The following MTOR variants were observed in gnomAD, a reference collection of about 807,000 sequenced individuals.
MTOR encodes the protein serine/threonine-protein kinase mTOR.
Under a neutral mutation model 319.8 loss-of-function variants are expected in MTOR, and 70 were observed. The observed-to-expected ratio is 0.22, with a 90% confidence interval of 0.18 to 0.27. The LOEUF (loss-of-function observed/expected upper bound fraction) is 0.27. Ranked by LOEUF, MTOR falls within the 10% of genes least tolerant of loss-of-function variation. MTOR has a pLI of 1.00. For synonymous variants in MTOR, 1,183 were observed against 1,211.4 expected, an observed-to-expected ratio of 0.98 and a Z score of 0.49; for missense variants, 1,890 against 3,274.4, an observed-to-expected ratio of 0.58 and a Z score of 10.32.
intron 30 of MTOR, among the ~76,000 whole-genome samples, chr1:11,155,820 C>T (rs1400910852): frequency 2.0e-5 from 3 of 152,124 alleles, no homozygotes; most frequent in South Asian, 2.1e-4. Flanking sequence ...GTCTTGCTCA[C>T]GGCTGTGTCC....
intron 24 of MTOR, among the ~76,000 whole-genome samples, chr1:11,210,476 T>C (rs1020134334): frequency 2.6e-5 from 4 of 152,216 alleles, no homozygotes; most frequent in African/African-American, 9.6e-5. Context: ...AGAAGGGTTT[T>C]TATACTTTTA....
chr1:11,258,398 A>C (rs1199271143), intron 3 of MTOR, 87 bp downstream of exon 3: 1 of 879,194 alleles, frequency 1.1e-6, no homozygotes, highest in Non-Finnish European at 1.8e-6. Context: ...AGCAAATATG[A>C]ACTAGTATCC....
intron 30 of MTOR, among the ~76,000 whole-genome samples, 177 bp from the exon 31 acceptor site, chr1:11,150,403 C>A (rs1246639854): frequency 6.6e-6 from 1 of 152,134 alleles, no homozygotes; most frequent in Non-Finnish European, 1.5e-5. Flanking sequence ...GTTTCTATGA[C>A]CCGGTGCTCG....
intron 8 of MTOR, among the ~76,000 whole-genome samples, chr1:11,243,900 T>G (rs1416505310): frequency 6.6e-6 from 1 of 152,158 alleles, no homozygotes; most frequent in Non-Finnish European, 1.5e-5. Context: ...GTCTCACACA[T>G]GTAATCCCAG....
intron 26 of MTOR, among the ~76,000 whole-genome samples, 161 bp downstream of exon 26, chr1:11,204,400 A>G (rs1440904246): frequency 6.6e-6 from 1 of 152,284 alleles, no homozygotes; most frequent in East Asian, 1.9e-4. Flanking sequence ...GATAGATGCT[A>G]CAGTATGAGC....
At chr1:11,251,938 A>G (rs1649750206) in intron 6 of MTOR, among the ~76,000 whole-genome samples, 1 of 152,186 alleles carries the variant, frequency 6.6e-6, no homozygotes, top group Non-Finnish European at 1.5e-5. Flanking sequence ...AGTGGAAAAC[A>G]TTATGTTAAA....
At chr1:11,225,035 C>T (rs1214478669) in intron 19 of MTOR, among the ~76,000 whole-genome samples, 2 of 151,904 alleles carry the variant, frequency 1.3e-5, no homozygotes, top group Non-Finnish European at 2.9e-5. Context: ...TAGTAGTTGC[C>T]CAGGGATGAG....
At chr1:11,201,415 T>C (rs961947017) in intron 26 of MTOR, among the ~76,000 whole-genome samples, 2 of 152,134 alleles carry the variant, frequency 1.3e-5, no homozygotes, top group African/African-American at 2.4e-5. Context: ...TGAAAGAAAT[T>C]AGAGGATGCA....
rs1193379323 is a variant in MTOR, at chr1:11,115,697, T to C, written c.7017-229A>G. 1 of 500,910 alleles carries C rather than the reference T, an allele frequency of 2.0e-6. No individual in the cohort carries two copies. Among genetic ancestry groups the C allele is most frequent in the African/African-American group, 1.9e-5 (1 of 52,362 alleles). The allele number at this position is 500,910 out of a possible 1,614,324, so 31.0% of individuals were successfully genotyped here. ...ATGCTACGACAGCAGAGCTGACTAG[T>C]TGTGACAGAGACCAAAGGGCCCACA... is the stretch of plus-strand genomic sequence containing the variant. On this transcript the variant is annotated intron_variant, in intron 50 of 57. Coordinates refer to ENST00000361445, the MANE Select transcript of MTOR (RefSeq NM_004958.4). The surrounding 1 kb of genome is among the most constrained non-coding windows in gnomAD (Gnocchi z 4.5).
In MTOR at chr1:11,243,272, G is replaced by A. The variant is rs375855400; in HGVS notation, c.1254C>T (p.Asn418=). 2 of 1,614,188 alleles carry A rather than the reference G, an allele frequency of 1.2e-6. No homozygotes were observed. Among genetic ancestry groups the A allele is most frequent in the East Asian group, 2.2e-5 (1 of 44,890 alleles). The part of the protein sequence containing the change: ...TDTQYLQDTM[N]HVLSCVKKEK... ...CCTTCTTGACACAGCTTAGGACATG[G>A]TTCATGGTATCTTGGAGATACTGGG... is the stretch of plus-strand genomic sequence containing the variant. Residue 418 remains asparagine (N), a synonymous_variant, in exon 9 of 58, where the codon AAC becomes AAT. Coordinates refer to ENST00000361445, the MANE Select transcript of MTOR (RefSeq NM_004958.4).
At chr1:11,135,830 C>CA (rs35270684) in intron 36 of MTOR, among the ~76,000 whole-genome samples, 77 of 139,106 alleles carry the variant, frequency 5.5e-4, no homozygotes, top group Middle Eastern at 3.8e-3. Context: ...GAGACTGTCT[C>CA]AAAAAAAAAA....
rs751768790 is a variant in MTOR at position 11,127,647 on chromosome 1, G to C, written c.6193C>G (p.Leu2065Val). ...HAMMERGPQT[L>V]KETSFNQAYG... The stretch of plus-strand genomic sequence containing the variant: ...ACCTGATTAAAGGATGTTTCCTTCA[G>C]AGTCTGGGGGCCCCGTTCCATCATA... Residue 2065 changes from leucine (L) to valine (V), a missense_variant, in exon 44 of 58, where the codon CTG becomes GTG. Coordinates refer to ENST00000361445, the MANE Select transcript of MTOR (RefSeq NM_004958.4). The surrounding 1 kb of genome is among the most constrained non-coding windows in gnomAD (Gnocchi z 5.5). 1 of 1,613,660 alleles carries C rather than the reference G, an allele frequency of 6.2e-7. No homozygotes were observed. The highest frequency in any genetic ancestry group is 8.5e-7 in the Non-Finnish European group (1 of 1,179,872).
At chr1:11,245,342 C>T (rs1167903142) in intron 8 of MTOR, among the ~76,000 whole-genome samples, 1 of 152,196 alleles carries the variant, frequency 6.6e-6, no homozygotes, top group Non-Finnish European at 1.5e-5. Context: ...GAAGGGAAAA[C>T]CACACATCCC....
intron 20 of MTOR, among the ~76,000 whole-genome samples, chr1:11,215,638 T>G (rs549562360): frequency 6.6e-6 from 1 of 152,208 alleles, no homozygotes; most frequent in Non-Finnish European, 1.5e-5. Flanking sequence ...ATGCATGTTA[T>G]AAAATCCTGG....
Position 11,232,478 on chromosome 1 carries a change from G to A in MTOR, c.2472C>T (p.Ile824=), listed in dbSNP as rs138875882. The change falls in exon 16 of 58, where the codon ATC becomes ATT. Residue 824 remains isoleucine (I), a synonymous_variant. Coordinates refer to ENST00000361445, the MANE Select transcript of MTOR (RefSeq NM_004958.4). ...AAGAGGAATCCTGGAGCATGTCCAT[G>A]ATGATAATAAAAAGTTCATCAACCC... ...RKWVDELFII[I]MDMLQDSSLL... 9.1e-5 allele frequency: 147 copies of A among 1,614,008 alleles called. 1 individual carries two copies. In the African/African-American group the frequency reaches 1.8e-3, roughly 19 times the overall value.
At chr1:11,238,710 T>A in intron 11 of MTOR, 93 bp from the exon 12 acceptor site, 1 of 1,045,176 alleles carries the variant, frequency 9.6e-7, no homozygotes, top group Non-Finnish European at 1.4e-6. Context: ...ATTTTGAGGC[T>A]ACTAATTCTA....
In MTOR at chr1:11,230,948, T is replaced by C. The variant is rs1300581743; in HGVS notation, c.2756A>G (p.Glu919Gly). ...ACAGGAATCCTGACTTGACTTGGATTCTGACAGGCTGACAGCAGAGGCATC... is the reference window on the plus strand; with the variant it reads ...ACAGGAATCCTGACTTGACTTGGATCCTGACAGGCTGACAGCAGAGGCATC... ...SRDASAVSLS[E>G]SKSSQDSSDY... Residue 919 changes from glutamate (E) to glycine (G), a missense_variant, in exon 18 of 58, where the codon GAA becomes GGA. Glu to Gly is a moderately conservative substitution (Grantham distance 98). This residue lies in a region of MTOR where 377 missense variants were observed against 653.9 expected (regional missense o/e 0.58). Transcript: ENST00000361445. 4 of 1,614,074 alleles carry C rather than the reference T, an allele frequency of 2.5e-6. No homozygotes were observed. Among genetic ancestry groups the C allele is most frequent in the Non-Finnish European group, 3.4e-6 (4 of 1,180,014 alleles).
Position 11,117,172 on chromosome 1 carries a change from T to C in MTOR, c.6934-86A>G. On this transcript the variant is annotated intron_variant, in intron 49 of 57. Coordinates refer to ENST00000361445, the MANE Select transcript of MTOR (RefSeq NM_004958.4). ...ACTCTAATAAGCTGTCTTTGGTTTG[T>C]ACTTTTGAGACCGAGTCTCGCTCTG... 11 of 1,135,284 alleles carry C rather than the reference T, an allele frequency of 9.7e-6. No individual in the cohort carries two copies. In the South Asian group the frequency reaches 1.6e-4, roughly 17 times the overall value. 70.3% of individuals were successfully genotyped at this position (1,135,284 alleles called of 1,614,324 possible).
rs985831691 is a variant in MTOR, at chr1:11,208,206, A to G, written c.3801+1106T>C. On this transcript the variant is annotated intron_variant, in intron 25 of 57. Transcript: ENST00000361445. ...GACTGATAACCTTTTTCTTCCTCCTAAAGTCTCAGAGTAGCAGTTACAAAA... is the reference window on the plus strand; with the variant it reads ...GACTGATAACCTTTTTCTTCCTCCTGAAGTCTCAGAGTAGCAGTTACAAAA... Among the ~76,000 whole-genome samples, 6 of 152,370 alleles carry G rather than the reference A, an allele frequency of 3.9e-5. No homozygotes were observed. In the South Asian group the frequency reaches 8.3e-4, roughly 21 times the overall value.
Sources: gnomAD v4.1 joint callset for allele counts (sites outside exome capture counted in the v4.1 genomes callset) on GRCh38, gnomAD v4.1.1 for gene constraint, gnomAD v4.1.1 regional missense constraint, Gnocchi (gnomAD v3.1) non-coding constraint, MANE v1.5 for transcripts, NCBI Gene and HGNC (gene_info 2026-07-23, HGNC 2026-07-21) for gene names.